FREM2: variants seen among roughly 807,000 people sequenced by gnomAD.
The protein encoded by FREM2 is FRAS1 related extracellular matrix 2.
In FREM2, 119 loss-of-function variants were observed where a neutral mutation model predicts 219.9. The ratio of observed to expected loss-of-function variants is 0.54; its 90% CI spans 0.47 to 0.63. The LOEUF (loss-of-function observed/expected upper bound fraction) is 0.63, where lower values mean the gene tolerates loss of function less well. FREM2 is among the 30% of genes least tolerant of loss of function. FREM2 has a pLI of 0.00. For synonymous variants in FREM2, 1,562 were observed against 1,522.8 expected (o/e 1.03, Z -0.60); for missense variants, 4,030 against 3,993.6 (o/e 1.01, Z -0.25).
chr13:38,709,293 C>CAT (rs1221175368), intron 2 of FREM2, among the ~76,000 whole-genome samples: 3 of 152,186 alleles, frequency 2.0e-5, no homozygotes, highest in Non-Finnish European at 4.4e-5. Context: ...TAGGGTCAGA[C>CAT]ATCTCCGCTG....
Position 38,692,293 on chromosome 13 carries a change from C to G in FREM2, c.4949C>G (p.Ala1650Gly). 1.2e-6 allele frequency: 2 copies of G among 1,612,454 alleles called. No homozygotes were observed. The highest frequency in any genetic ancestry group is 1.7e-6 in the Non-Finnish European group (2 of 1,179,064). Residue 1650 changes from alanine to glycine, a missense_variant, in exon 1 of 24, where the codon GCT (alanine) becomes GGT (glycine). By Grantham distance (60) the Ala-to-Gly change is moderately conservative (BLOSUM62 0). Transcript: ENST00000280481. ...CAAGTGATGAAGATCCAGGTCTTGG[C>G]TGTTGACAACAGTGTCCCCCAAATC... Reference protein sequence around the residue: ...RPQVMKIQVLAVDNSVPQIAV... With the variant: ...RPQVMKIQVLGVDNSVPQIAV...
chr13:38,861,857 G>A (rs980935235), intron 15 of FREM2, among the ~76,000 whole-genome samples: 5 of 152,098 alleles, frequency 3.3e-5, no homozygotes, highest in East Asian at 1.9e-4. Context: ...ATCTTCAATC[G>A]TAAACTTGAA....
rs570157661 is a variant in FREM2, at chr13:38,803,840, C to T, written c.6019+19032C>T. On this transcript the variant is annotated intron_variant, in intron 6 of 23. Transcript: ENST00000280481. ...GTGCTGTTCAAAAGCTTACTGACAT[C>T]AGAAAAGCTTTCTCAACAGCAGGAG... Among the ~76,000 whole-genome samples the T allele has an allele frequency of 8.2e-4, 124 of 151,470 alleles. No homozygotes were observed. In the South Asian group the frequency reaches 0.013, roughly 16 times the overall value.
intron 6 of FREM2, among the ~76,000 whole-genome samples, chr13:38,832,324 T>G (rs1018514501): frequency 4.6e-5 from 7 of 152,164 alleles, no homozygotes; most frequent in Non-Finnish European, 8.8e-5. Context: ...TTAAAACTAA[T>G]TTTTTAATGA....
intron 6 of FREM2, among the ~76,000 whole-genome samples, chr13:38,792,410 A>G (rs1001844572): frequency 6.6e-6 from 1 of 152,180 alleles, no homozygotes; most frequent in African/African-American, 2.4e-5. Flanking sequence ...TCTGGAGTGT[A>G]TACAATTGTC....
At chr13:38,880,226 G>T in intron 23 of FREM2, 58 bp from the exon 24 acceptor site, 1 of 1,527,278 alleles carries the variant, frequency 6.5e-7, no homozygotes, top group South Asian at 1.1e-5. Flanking sequence ...GCAAAGAGTC[G>T]TGGATTAGAT....
At position 38,765,550 on chromosome 13, in the gene FREM2, C is replaced by T. The variant is rs1212905233; in HGVS notation, c.5410+1100C>T. Reference sequence around the variant, plus strand: ...AACTTCCAGATCCTCAAAGAGTAGACCTCTATGCACAGAAATACACACCCC... The same window carrying T: ...AACTTCCAGATCCTCAAAGAGTAGATCTCTATGCACAGAAATACACACCCC... On this transcript the variant is annotated intron_variant, in intron 3 of 23. Transcript: ENST00000280481. Among the ~76,000 whole-genome samples the T allele has an allele frequency of 3.3e-5, 5 of 151,968 alleles. No individual in the cohort carries two copies. In the East Asian group the frequency reaches 7.7e-4, roughly 24 times the overall value.
chr13:38,747,854 A>G (rs1485467650), intron 2 of FREM2, among the ~76,000 whole-genome samples: 7 of 152,214 alleles, frequency 4.6e-5, no homozygotes, highest in Admixed American at 3.9e-4. Flanking sequence ...TTGCAGCATT[A>G]TCCTTTTTCC....
chr13:38,774,486 G>A (rs1353344896), intron 4 of FREM2, among the ~76,000 whole-genome samples: 1 of 152,116 alleles, frequency 6.6e-6, no homozygotes, highest in African/African-American at 2.4e-5. Flanking sequence ...TGATAAAAGA[G>A]CAACTGGAGC....
rs1247616055 is a variant in FREM2 at position 38,877,200 on chromosome 13, A to C, written c.8628A>C (p.Gly2876=). The C allele has an allele frequency of 1.9e-5, 31 of 1,613,988 alleles. No individual in the cohort carries two copies. The East Asian group carries it at 6.9e-4, about 36-fold the overall frequency. Residue 2876 remains glycine (G), a synonymous_variant, in exon 21 of 24, where the codon GGA becomes GGC. Coordinates refer to ENST00000280481, the MANE Select transcript of FREM2 (RefSeq NM_207361.6). ...LSKKSLWLSD[G]SMGFGQESDV... is the part of the protein sequence containing the mutation. ...AGAAGAGTCTCTGGTTGTCTGATGG[A>C]TCCATGGGATTCGGGCAAGAGAGTG...
At chr13:38,821,402 A>G (rs1217354172) in intron 6 of FREM2, among the ~76,000 whole-genome samples, 1 of 152,270 alleles carries the variant, frequency 6.6e-6, no homozygotes, top group African/African-American at 2.4e-5. Context: ...GTGACAAATA[A>G]TCACAATAAT....
intron 6 of FREM2, among the ~76,000 whole-genome samples, chr13:38,843,940 A>C (rs888120161): frequency 6.6e-6 from 1 of 151,906 alleles, no homozygotes; most frequent in African/African-American, 2.4e-5. Flanking sequence ...TCTCATAATA[A>C]TCACATCAAA....
chr13:38,691,140 G>A lies in FREM2; in HGVS notation c.3796G>A (p.Glu1266Lys). 1 of 1,614,070 alleles carries A rather than the reference G, an allele frequency of 6.2e-7. No homozygotes were observed. The highest frequency in any genetic ancestry group is 8.5e-7 in the Non-Finnish European group (1 of 1,180,016). The change falls in exon 1 of 24, where the codon GAG (glutamate) becomes AAG (lysine). Residue 1266 changes from glutamate (E) to lysine (K), a missense_variant. By Grantham distance (56) the Glu-to-Lys change is moderately conservative (BLOSUM62 1). Transcript: ENST00000280481. ...CATAGAGAGTTCCAGCATTATTTAT[G>A]AGCATGATGACTCCGAGACCCAGGA... is the stretch of plus-strand genomic sequence containing the variant. ...QIIESSSIIY[E>K]HDDSETQEDS...
intron 2 of FREM2, among the ~76,000 whole-genome samples, chr13:38,733,425 G>A (rs1385730434): frequency 1.3e-5 from 2 of 151,866 alleles, no homozygotes; most frequent in East Asian, 1.9e-4. Flanking sequence ...AAAGAGCACA[G>A]TGTTTCCTGA....
intron 16 of FREM2, among the ~76,000 whole-genome samples, chr13:38,870,400 C>T (rs1185720382): frequency 1.3e-5 from 2 of 152,046 alleles, no homozygotes; most frequent in East Asian, 3.9e-4. Flanking sequence ...CTTCAAACAG[C>T]AATAGGGACA....
chr13:38,690,573 G>A lies in FREM2; in HGVS notation c.3229G>A (p.Val1077Ile), dbSNP rs1869790233. Residue 1077 changes from valine (V) to isoleucine (I), a missense_variant, in exon 1 of 24, where the codon GTA (valine) becomes ATA (isoleucine). Transcript: ENST00000280481. ...PEIFVGEQLIVMEGDKSVITS... is the reference protein window; with the variant it reads ...PEIFVGEQLIIMEGDKSVITS... The stretch of plus-strand genomic sequence containing the variant: ...AATCTTTGTAGGTGAACAGTTGATA[G>A]TAATGGAAGGTGATAAAAGTGTTAT... 6.2e-7 allele frequency: 1 copy of A among 1,614,132 alleles called. No individual in the cohort carries two copies. The highest frequency in any genetic ancestry group is 8.5e-7 in the Non-Finnish European group (1 of 1,180,032).
At chr13:38,782,440 G>A (rs769511221) in intron 4 of FREM2, among the ~76,000 whole-genome samples, 8 of 152,136 alleles carry the variant, frequency 5.3e-5, no homozygotes, top group Non-Finnish European at 1.2e-4. Context: ...AGGAGTGAAA[G>A]GGAGCCACGG....
At chr13:38,843,776 A>T (rs1877047364) in intron 6 of FREM2, among the ~76,000 whole-genome samples, 1 of 152,206 alleles carries the variant, frequency 6.6e-6, no homozygotes, top group African/African-American at 2.4e-5. Flanking sequence ...TGAGAAATTG[A>T]AATAAACATA....
intron 2 of FREM2, among the ~76,000 whole-genome samples, chr13:38,761,624 C>T (rs371255887): frequency 1.3e-5 from 2 of 152,134 alleles, no homozygotes; most frequent in African/African-American, 4.8e-5. Context: ...TGAGAGGATA[C>T]CCACTAAAGT....
Sources: gnomAD v4.1 joint callset for allele counts (sites outside exome capture counted in the v4.1 genomes callset) on GRCh38, gnomAD v4.1.1 for gene constraint, MANE v1.5 for transcripts, NCBI Gene and HGNC (gene_info 2026-07-23, HGNC 2026-07-21) for gene names.